The following CD40LG variants were observed in gnomAD, a reference collection of about 807,000 sequenced individuals.
CD40LG encodes the protein CD40 antigen ligand.
A neutral mutation model predicts 17.2 loss-of-function variants in CD40LG; 1 was observed. That is an observed-to-expected ratio of 0.06 (90% CI 0.02 to 0.28). CD40LG has a LOEUF of 0.28. CD40LG is among the 10% of genes least tolerant of loss of function. The pLI is 1.00. For synonymous variants in CD40LG, 66 were observed against 74.4 expected (o/e 0.89, Z 0.58); for missense variants, 133 against 193.2 (o/e 0.69, Z 1.85).
intron 2 of CD40LG, among the ~76,000 whole-genome samples, chrX:136,652,963 C>T (rs1002714772): frequency 9.1e-6 from 1 of 110,139 alleles, no homozygotes; most frequent in East Asian, 2.8e-4. Flanking sequence ...AAAAAAAAGG[C>T]TCTGGGGAGT....
At chrX:136,656,016 G>A (rs945232267) in intron 3 of CD40LG, among the ~76,000 whole-genome samples, 13 of 112,079 alleles carry the variant, frequency 1.2e-4, no homozygotes, top group African/African-American at 4.2e-4. Flanking sequence ...AGACTTTGGA[G>A]CCCACTAAAA....
At chrX:136,658,997 T>A in intron 4 of CD40LG, 42 bp from the exon 5 acceptor site, 1 of 1,194,634 alleles carries the variant, frequency 8.4e-7, no homozygotes, top group Non-Finnish European at 1.1e-6. Flanking sequence ...TGAACCATGC[T>A]CTGCTTCACC....
chrX:136,659,445 C>G lies in CD40LG; in HGVS notation c.*30C>G, dbSNP rs935123504. ...TGTCACCTTGCAGGCTGTGGTGGAG[C>G]TGACGCTGGGAGTCTTCATAATACA... On this transcript the variant is annotated 3_prime_UTR_variant, in exon 5 of 5. Transcript: ENST00000370629. 2 of 1,201,005 alleles carry G rather than the reference C, an allele frequency of 1.7e-6. No individual in the cohort carries two copies. The highest frequency in any genetic ancestry group is 2.2e-6 in the Non-Finnish European group (2 of 891,029).
intron 2 of CD40LG, 90 bp downstream of exon 2, chrX:136,650,487 T>C: frequency 1.2e-6 from 1 of 845,518 alleles, no homozygotes; most frequent in South Asian, 2.1e-5. Context: ...TGTTTAAAGA[T>C]TGGTTATAGA....
At position 136,656,413 on chromosome X, in the gene CD40LG, C is replaced by T. The variant is rs1214607081; in HGVS notation, c.404C>T (p.Thr135Ile). 1.7e-6 allele frequency: 2 copies of T among 1,203,373 alleles called. No individual in the cohort carries two copies. The highest frequency in any genetic ancestry group is 2.2e-5 in the Admixed American group (1 of 45,737). Reference sequence around the variant, plus strand: ...ATAAGTGAGGCCAGCAGTAAAACAACATCTGGTAAGTCACACAGCATCTGA... The same window carrying T: ...ATAAGTGAGGCCAGCAGTAAAACAATATCTGGTAAGTCACACAGCATCTGA... ...HVISEASSKTTSVLQWAEKGY... is the reference protein window; with the variant it reads ...HVISEASSKTISVLQWAEKGY... Residue 135 changes from threonine to isoleucine, a missense_variant, in exon 4 of 5, where the codon ACA becomes ATA. Transcript: ENST00000370629.
Position 136,659,214 on chromosome X carries a change from A to G in CD40LG, c.585A>G (p.Leu195=), listed in dbSNP as rs2076127372. ...SQAPFIASLC[L]KSPGRFERIL... ...CTCCATTTATAGCCAGCCTCTGCCT[A>G]AAGTCCCCCGGTAGATTCGAGAGAA... The change falls in exon 5 of 5, where the codon CTA becomes CTG. Residue 195 remains leucine, a synonymous_variant. Coordinates refer to ENST00000370629, the MANE Select transcript of CD40LG (RefSeq NM_000074.3). The G allele has an allele frequency of 8.3e-7, 1 of 1,211,331 alleles. No individual in the cohort carries two copies. Among genetic ancestry groups the G allele is most frequent in the Non-Finnish European group, 1.1e-6 (1 of 894,943 alleles).
intron 1 of CD40LG, among the ~76,000 whole-genome samples, chrX:136,649,112 C>G (rs1048967766): frequency 8.9e-6 from 1 of 112,232 alleles, no homozygotes; most frequent in African/African-American, 3.2e-5. Flanking sequence ...AGAAAACCAT[C>G]AGGACTTATT....
chrX:136,649,548 C>T (rs3138062), intron 1 of CD40LG, among the ~76,000 whole-genome samples: 8,966 of 111,898 alleles, frequency 0.08, 821 homozygotes, highest in African/African-American at 0.26. Context: ...CTGATATTTA[C>T]CGTACTATTT....
chrX:136,651,198 C>T (rs1435087410), intron 2 of CD40LG, among the ~76,000 whole-genome samples: 1 of 111,097 alleles, frequency 9.0e-6, no homozygotes, highest in Non-Finnish European at 1.9e-5. Flanking sequence ...GGCAGAACAT[C>T]AAGAGTTCTT....
chrX:136,654,123 G>C (rs2076112264), intron 2 of CD40LG, among the ~76,000 whole-genome samples: 1 of 111,710 alleles, frequency 9.0e-6, no homozygotes, highest in Non-Finnish European at 1.9e-5. Flanking sequence ...AGAGAGCACT[G>C]GAATGGAGAT....
Position 136,651,890 on chromosome X carries a change from A to C in CD40LG, c.288+1493A>C, listed in dbSNP as rs774075562. Reference sequence around the variant, plus strand: ...TGTGATAAGCCTTCAGTTCCCTCCAATGGCAGTGAGAGTGGCTTGTCAGTC... The same window carrying C: ...TGTGATAAGCCTTCAGTTCCCTCCACTGGCAGTGAGAGTGGCTTGTCAGTC... On this transcript the variant is annotated intron_variant, in intron 2 of 4. Transcript: ENST00000370629. Among the ~76,000 whole-genome samples, 6 of 111,381 alleles carry C rather than the reference A, an allele frequency of 5.4e-5. No homozygotes were observed. The Admixed American group carries it at 5.7e-4, about 11-fold the overall frequency.
chrX:136,655,022 T>C (rs1372711738), intron 3 of CD40LG, among the ~76,000 whole-genome samples: 1 of 111,240 alleles, frequency 9.0e-6, no homozygotes, highest in Non-Finnish European at 1.9e-5. Flanking sequence ...TGAGGCACCT[T>C]CCACCTCATA....
intron 3 of CD40LG, among the ~76,000 whole-genome samples, chrX:136,654,811 T>C (rs3092935): frequency 0.014 from 1,550 of 111,609 alleles, 14 homozygotes; most frequent in Non-Finnish European, 0.022. Flanking sequence ...TGGGGCACAG[T>C]GGCCGGTGGA....
chrX:136,652,121 G>T (rs936622926), intron 2 of CD40LG, among the ~76,000 whole-genome samples: 1 of 110,689 alleles, frequency 9.0e-6, no homozygotes, highest in Non-Finnish European at 1.9e-5. Flanking sequence ...ATCTTCTCAG[G>T]CATGTCAGCC....
At chrX:136,652,814 C>T (rs2076107886) in intron 2 of CD40LG, among the ~76,000 whole-genome samples, 1 of 111,724 alleles carries the variant, frequency 9.0e-6, no homozygotes, top group Non-Finnish European at 1.9e-5. Flanking sequence ...AGAGCCAAAG[C>T]ATTTCTATTT....
rs189683118 is a variant in CD40LG, at chrX:136,653,451, T to C, written c.289-922T>C. Reference sequence around the variant, plus strand: ...TTATCATAAGATGTGAAAATACTACTGTCTTCTTCCCTTGTGTGCAGAGGA... The same window carrying C: ...TTATCATAAGATGTGAAAATACTACCGTCTTCTTCCCTTGTGTGCAGAGGA... On this transcript the variant is annotated intron_variant, in intron 2 of 4. Coordinates refer to ENST00000370629, the MANE Select transcript of CD40LG (RefSeq NM_000074.3). Among the ~76,000 whole-genome samples, 14 of 112,885 alleles carry C rather than the reference T, an allele frequency of 1.2e-4. No homozygotes were observed. The East Asian group carries it at 3.6e-3, about 29-fold the overall frequency.
chrX:136,653,905 C>G (rs1017980283), intron 2 of CD40LG, among the ~76,000 whole-genome samples: 1 of 112,118 alleles, frequency 8.9e-6, no homozygotes, highest in African/African-American at 3.2e-5. Context: ...CATTTCTCCC[C>G]AAGGTCAAAC....
chrX:136,654,623 T>C (rs1876576909), intron 3 of CD40LG, among the ~76,000 whole-genome samples, 193 bp downstream of exon 3: 1 of 111,613 alleles, frequency 9.0e-6, no homozygotes, highest in Non-Finnish European at 1.9e-5. Context: ...TATATATTTA[T>C]GAAAAAAGGA....
chrX:136,648,552 A>T (rs2148550637), intron 1 of CD40LG, 148 bp downstream of exon 1: 1 of 569,616 alleles, frequency 1.8e-6, no homozygotes, highest in East Asian at 3.4e-5. Flanking sequence ...ATGAAGTCTC[A>T]TATTCTTGTC....
Sources: allele counts gnomAD v4.1 joint callset (sites outside exome capture counted in the v4.1 genomes callset), GRCh38; gene constraint gnomAD v4.1.1; transcripts MANE v1.5; gene names NCBI Gene and HGNC (gene_info 2026-07-23, HGNC 2026-07-21).